TSR1: variants seen among roughly 807,000 people sequenced by gnomAD.
TSR1 encodes the protein TSR1 ribosome maturation factor.
TSR1 carries 81 observed loss-of-function variants against 90.9 expected under a neutral mutation model. The observed-to-expected ratio is 0.89, with a 90% CI of 0.74 to 1.07. The LOEUF is 1.07. TSR1 is among the 50% of genes least tolerant of loss of function. The pLI, the probability that TSR1 is intolerant of heterozygous loss-of-function variation, is 0.00. For missense variants in TSR1, 989 were observed against 987.3 expected (o/e 1.00, Z -0.02); for synonymous variants, 362 against 348.8 (o/e 1.04, Z -0.42).
At chr17:2,324,924 T>C in intron 12 of TSR1, 95 bp from the exon 13 acceptor site, 2 of 1,432,584 alleles carry the variant, frequency 1.4e-6, no homozygotes, top group Non-Finnish European at 1.9e-6. Flanking sequence ...AAGAGCCTGG[T>C]TTGTCATCCC....
intron 11 of TSR1, chr17:2,329,072 T>C (rs2075590886): frequency 1.5e-6 from 1 of 665,928 alleles, no homozygotes; most frequent in South Asian, 1.4e-5. Flanking sequence ...ACCCTTTTTA[T>C]AAAGCTGCCA....
intron 7 of TSR1, among the ~76,000 whole-genome samples, chr17:2,332,642 C>T (rs542416636): frequency 0.012 from 1,831 of 152,222 alleles, 53 homozygotes; most frequent in African/African-American, 0.042. Context: ...TGAGACCATC[C>T]TGGCTAACAC....
At chr17:2,330,119 A>T in intron 10 of TSR1, 1 of 385,348 alleles carries the variant, frequency 2.6e-6, no homozygotes, top group South Asian at 2.0e-5. Flanking sequence ...GGGTTCCTCC[A>T]TGTTGGTCAG....
At chr17:2,336,294 C>A (rs747790255) in intron 1 of TSR1, 37 bp downstream of exon 1, 4 of 1,613,150 alleles carry the variant, frequency 2.5e-6, no homozygotes, top group Non-Finnish European at 2.5e-6. Flanking sequence ...TTAATAACGG[C>A]CAAATAGCCC....
chr17:2,332,574 C>T (rs2064014157), intron 7 of TSR1, among the ~76,000 whole-genome samples: 1 of 152,200 alleles, frequency 6.6e-6, no homozygotes, highest in South Asian at 2.1e-4. Context: ...CGGTGGCTCA[C>T]GCCTGTAATC....
At chr17:2,331,445 C>G (rs1049411835) in intron 8 of TSR1, among the ~76,000 whole-genome samples, 2 of 152,150 alleles carry the variant, frequency 1.3e-5, no homozygotes, top group Non-Finnish European at 2.9e-5. Flanking sequence ...GAGAGGTTTT[C>G]TCATGAGTGG....
At position 2,330,934 on chromosome 17, in the gene TSR1, G is replaced by A; in HGVS notation, c.1659+13C>T. 2 of 1,567,210 alleles carry A rather than the reference G, an allele frequency of 1.3e-6. No individual in the cohort carries two copies. The highest frequency in any genetic ancestry group is 2.2e-5 in the East Asian group (1 of 44,554). On this transcript the variant is annotated intron_variant, in intron 9 of 14. Transcript: ENST00000301364. ...TGAAAGCAACATACAAGATGAACAA[G>A]GAGGATAGATACCTCAGCTCCTTCA...
At position 2,336,038 on chromosome 17, in the gene TSR1, GC is replaced by G. The variant is rs761113781; in HGVS notation, c.199del (p.Ala67ArgfsTer47). 3 of 1,614,004 alleles carry G rather than the reference GC, an allele frequency of 1.9e-6. No homozygotes were observed. Among genetic ancestry groups the G allele is most frequent in the Non-Finnish European group, 2.5e-6 (3 of 1,179,930 alleles). On this transcript the variant is annotated frameshift_variant and splice_region_variant, in exon 2 of 15. Transcript: ENST00000301364. LOFTEE classifies it high-confidence loss of function. ...TCTCCCAAATCCCGCTCCTCTCACC[GC>G]CTCCTTCTTCTGCTTTCGGAGCTGG... ...ASQLRKQKKEAVLAEKRQLGG... is the reference protein window; with the variant it reads ...ASQLRKQKKEXVLAEKRQLGG...
chr17:2,323,238 C>T lies in TSR1; in HGVS notation c.*958G>A. Reference sequence around the variant, plus strand: ...GAAACTGATGCCCAATCTTTATCCTCCAGAAACCATAGCAGATGGTGTCAA... The same window carrying T: ...GAAACTGATGCCCAATCTTTATCCTTCAGAAACCATAGCAGATGGTGTCAA... On this transcript the variant is annotated 3_prime_UTR_variant, in exon 15 of 15. Transcript: ENST00000301364. 6.2e-7 allele frequency: 1 copy of T among 1,614,212 alleles called. No individual in the cohort carries two copies. The highest frequency in any genetic ancestry group is 2.2e-5 in the East Asian group (1 of 44,876).
At chr17:2,335,793 T>A in intron 2 of TSR1, 63 bp from the exon 3 acceptor site, 1 of 1,536,974 alleles carries the variant, frequency 6.5e-7, no homozygotes, top group Non-Finnish European at 8.8e-7. Context: ...AGCATTGCAT[T>A]TCCACTCCCA....
At chr17:2,327,415 TCA>T (rs2075581820) in intron 11 of TSR1, among the ~76,000 whole-genome samples, 1 of 77,526 alleles carries the variant, frequency 1.3e-5, no homozygotes, top group Non-Finnish European at 2.5e-5. Flanking sequence ...GGACTCTATA[TCA>T]AAAAAAAAAA....
At position 2,332,958 on chromosome 17, in the gene TSR1, T is replaced by G. The variant is rs372146269; in HGVS notation, c.1305+3A>C. The G allele has an allele frequency of 1.2e-4, 188 of 1,613,002 alleles. No individual in the cohort carries two copies. In the Middle Eastern group the frequency reaches 5.3e-3, roughly 45 times the overall value. Reference sequence around the variant, plus strand: ...GAATTGGCCTAAGGCCTCATTTCCTTACCTGAGATTCCTCCTCCATAAAAT... The same window carrying G: ...GAATTGGCCTAAGGCCTCATTTCCTGACCTGAGATTCCTCCTCCATAAAAT... On this transcript the variant is annotated splice_donor_region_variant and intron_variant, in intron 7 of 14. Coordinates refer to ENST00000301364, the MANE Select transcript of TSR1 (RefSeq NM_018128.5).
At chr17:2,324,972 T>A in intron 12 of TSR1, 143 bp from the exon 13 acceptor site, 2 of 893,166 alleles carry the variant, frequency 2.2e-6, no homozygotes, top group South Asian at 1.8e-5. Flanking sequence ...TGGTAAACTG[T>A]AAGCCCACAC....
intron 11 of TSR1, 181 bp downstream of exon 11, chr17:2,329,162 A>T (rs2075591320): frequency 2.0e-6 from 2 of 977,814 alleles, no homozygotes; most frequent in East Asian, 4.8e-5. Context: ...CATCACTGGG[A>T]TGCTTCAGAC....
Position 2,334,500 on chromosome 17 carries a change from G to A in TSR1, c.953C>T (p.Pro318Leu). The stretch of plus-strand genomic sequence containing the variant: ...CATTGCCATGTCTGGGTCCTTTTGG[G>A]GTTTAATTCCTCTAGGATTTAAAGG... ...PFPLNPRGIK[P>L]QKDPDMAMEI... The change falls in exon 5 of 15, where the codon CCC becomes CTC. Residue 318 changes from proline (P) to leucine (L), a missense_variant. By Grantham distance (98) the Pro-to-Leu change is moderately conservative. Coordinates refer to ENST00000301364, the MANE Select transcript of TSR1 (RefSeq NM_018128.5). 6.2e-7 allele frequency: 1 copy of A among 1,613,826 alleles called. No individual in the cohort carries two copies. Among genetic ancestry groups the A allele is most frequent in the Non-Finnish European group, 8.5e-7 (1 of 1,179,822 alleles).
chr17:2,324,555 C>T lies in TSR1; in HGVS notation c.2185G>A (p.Val729Met), dbSNP rs1393114432. 6.2e-7 allele frequency: 1 copy of T among 1,614,226 alleles called. No individual in the cohort carries two copies. Among genetic ancestry groups the T allele is most frequent in the Non-Finnish European group, 8.5e-7 (1 of 1,180,030 alleles). The change falls in exon 14 of 15, where the codon GTG becomes ATG. Residue 729 changes from valine (V) to methionine (M), a missense_variant. Transcript: ENST00000301364. ...CGGCCCCACTTCGTTCTCAGTTCCA[C>T]TGGTTTAAACCACAGCACATCCTCT... The part of the protein sequence containing the change: ...NREDVLWFKP[V>M]ELRTKWGRRG...
intron 10 of TSR1, 133 bp downstream of exon 10, chr17:2,330,382 T>C: frequency 2.5e-6 from 2 of 802,614 alleles, no homozygotes; most frequent in Non-Finnish European, 4.5e-6. Context: ...TATTCTCCAA[T>C]TCCTAATCAT....
At position 2,332,966 on chromosome 17, in the gene TSR1, A is replaced by G. The variant is rs968475560; in HGVS notation, c.1300T>C (p.Ser434Pro). 2.5e-6 allele frequency: 4 copies of G among 1,612,148 alleles called. No individual in the cohort carries two copies. The African/African-American group carries it at 5.3e-5, about 22-fold the overall frequency. Residue 434 changes from serine (S) to proline (P), a missense_variant, in exon 7 of 15, where the codon TCT becomes CCT. Transcript: ENST00000301364. ...CTAAGGCCTCATTTCCTTACCTGAG[A>G]TTCCTCCTCCATAAAATCCTCATGT... is the stretch of plus-strand genomic sequence containing the variant. ...MEHEDFMEEE[S>P]QDESSEEEEE...
chr17:2,332,955 C>T lies in TSR1; in HGVS notation c.1305+6G>A, dbSNP rs1296363915. 11 of 1,612,520 alleles carry T rather than the reference C, an allele frequency of 6.8e-6. No homozygotes were observed. The Admixed American group carries it at 1.5e-4, about 22-fold the overall frequency. ...ACAGAATTGGCCTAAGGCCTCATTTCCTTACCTGAGATTCCTCCTCCATAA... is the reference window on the plus strand; with the variant it reads ...ACAGAATTGGCCTAAGGCCTCATTTTCTTACCTGAGATTCCTCCTCCATAA... On this transcript the variant is annotated splice_donor_region_variant and intron_variant, in intron 7 of 14. Coordinates refer to ENST00000301364, the MANE Select transcript of TSR1 (RefSeq NM_018128.5).
Sources: allele counts gnomAD v4.1 joint callset (sites outside exome capture counted in the v4.1 genomes callset), GRCh38; gene constraint gnomAD v4.1.1; transcripts MANE v1.5; gene names NCBI Gene and HGNC (gene_info 2026-07-23, HGNC 2026-07-21).